The following SEPTIN12 variants were observed in gnomAD, a reference collection of about 807,000 sequenced individuals.
The protein encoded by SEPTIN12 is septin 12.
Under a neutral mutation model 37.7 loss-of-function variants are expected in SEPTIN12, and 42 were observed. The ratio of observed to expected loss-of-function variants is 1.11; its 90% CI spans 0.87 to 1.44. The LOEUF (loss-of-function observed/expected upper bound fraction) is 1.44. Among genes scored for constraint, SEPTIN12 ranks in the 40% most tolerant of loss-of-function variants. The pLI, the probability that SEPTIN12 is intolerant of heterozygous loss-of-function variation, is 0.00. For synonymous variants in SEPTIN12, 254 were observed against 196.7 expected (o/e 1.29, Z -2.44); for missense variants, 613 against 479.2 (o/e 1.28, Z -2.61).
rs1247964300 is a variant in SEPTIN12, at chr16:4,785,838, C to T, written c.343G>A (p.Gly115Ser). The T allele has an allele frequency of 1.1e-5, 18 of 1,607,534 alleles. No homozygotes were observed. Among genetic ancestry groups the T allele is most frequent in the East Asian group, 4.5e-5 (2 of 44,234 alleles). The change falls in exon 4 of 10, where the codon GGC (glycine) becomes AGC (serine). Residue 115 changes from glycine (G) to serine (S), a missense_variant. By Grantham distance (56) the Gly-to-Ser change is moderately conservative. Coordinates refer to ENST00000268231, the MANE Select transcript of SEPTIN12 (RefSeq NM_144605.5). ...TCATTGTTGATCTGGTCCCCGAAGC[C>T]GGGCGTGTCCGTCACCGTCAGCTTC... ...KLKLTVTDTP[G>S]FGDQINNDNC...
chr16:4,789,323 CCTTTTTTT>C (rs939030922), upstream of SEPTIN12, among the ~76,000 whole-genome samples: 7 of 150,890 alleles, frequency 4.6e-5, no homozygotes, highest in Admixed American at 1.3e-4. Context: ...TTTCTTTTTT[CCTTTTTTT>C]CTTTTTTTTT....
chr16:4,787,635 AG>A lies in SEPTIN12; in HGVS notation c.10del (p.Leu4Ter), dbSNP rs768052740. On this transcript the variant is annotated frameshift_variant, in exon 2 of 10. Coordinates refer to ENST00000268231, the MANE Select transcript of SEPTIN12 (RefSeq NM_144605.5). LOFTEE classifies it high-confidence loss of function. Reference protein sequence around the residue: MDPLRRSPSPCLSS... With the variant: MDPXRRSPSPCLSS... ...CAGGCAGGGAGAGGGGGAGCGCCTC[AG>A]GGGGTCCATGGGGGCCAAGGGTTCG... The A allele has an allele frequency of 3.1e-6, 5 of 1,587,732 alleles. 1 individual carries two copies. Among genetic ancestry groups the A allele is most frequent in the South Asian group, 2.2e-5 (2 of 90,342 alleles).
intron 4 of SEPTIN12, chr16:4,784,380 G>A (rs559431435): frequency 7.5e-5 from 26 of 346,276 alleles, no homozygotes; most frequent in Non-Finnish European, 1.2e-4. Flanking sequence ...CCAAGGAATC[G>A]CGCCTGATGG....
upstream of SEPTIN12, among the ~76,000 whole-genome samples, chr16:4,791,516 G>C (rs1167302311): frequency 6.6e-6 from 1 of 152,108 alleles, no homozygotes; most frequent in African/African-American, 2.4e-5. Flanking sequence ...TTACAGATGA[G>C]TATACTGAGG....
rs2082326115 is a variant in SEPTIN12, at chr16:4,777,724, C to T, written c.*73G>A. 2 of 1,074,776 alleles carry T rather than the reference C, an allele frequency of 1.9e-6. No homozygotes were observed. The highest frequency in any genetic ancestry group is 2.6e-6 in the Non-Finnish European group (2 of 758,996). 66.6% of individuals were successfully genotyped at this position (1,074,776 alleles called of 1,614,324 possible). ...AAGCAAGGCTCACATTTAATAGATG[C>T]TCTGGTACATAGGTGTGTGTTGAGA... On this transcript the variant is annotated 3_prime_UTR_variant, in exon 10 of 10. Transcript: ENST00000268231.
At chr16:4,785,068 G>A (rs1414619555) in intron 4 of SEPTIN12, among the ~76,000 whole-genome samples, 3 of 152,008 alleles carry the variant, frequency 2.0e-5, no homozygotes, top group Non-Finnish European at 2.9e-5. Context: ...CCAACGTGGT[G>A]AAACCCCGTC....
intron 2 of SEPTIN12, among the ~76,000 whole-genome samples, chr16:4,786,353 C>CTTT (rs949470758): frequency 2.4e-5 from 3 of 126,224 alleles, no homozygotes; most frequent in Non-Finnish European, 3.3e-5. Flanking sequence ...TTTTGCACTG[C>CTTT]TTTTTTTTTT....
At chr16:4,789,332 CTT>C (rs1157020160), upstream of SEPTIN12, among the ~76,000 whole-genome samples, 1 of 142,882 alleles carries the variant, frequency 7.0e-6, no homozygotes. Flanking sequence ...TCCTTTTTTT[CTT>C]TTTTTTTTTG....
At position 4,784,090 on chromosome 16, in the gene SEPTIN12, C is replaced by T. The variant is rs201144718; in HGVS notation, c.375-22G>A. 3.8e-5 allele frequency: 62 copies of T among 1,613,518 alleles called. No individual in the cohort carries two copies. The African/African-American group carries it at 6.5e-4, about 17-fold the overall frequency. On this transcript the variant is annotated intron_variant, in intron 4 of 9. Transcript: ENST00000268231. ...CCAGCTGAGGCGGGAGGTGGACCCT[C>T]CCCTCAGAACTGTGCTGTGCCCAGA...
intron 7 of SEPTIN12, among the ~76,000 whole-genome samples, chr16:4,782,919 T>C (rs1045085303): frequency 6.0e-5 from 9 of 150,838 alleles, no homozygotes; most frequent in East Asian, 1.9e-4. Flanking sequence ...CATTTTTTTT[T>C]TCTGAGATGG....
chr16:4,778,186 A>C, intron 8 of SEPTIN12, 49 bp from the exon 9 acceptor site: 3 of 1,578,682 alleles, frequency 1.9e-6, no homozygotes, highest in Non-Finnish European at 1.7e-6. Flanking sequence ...AGCACTGAGT[A>C]AGTGCCTACT....
At position 4,787,655 on chromosome 16, in the gene SEPTIN12, G is replaced by C; in HGVS notation, c.-10C>G. ...GCCTCAGGGGGTCCATGGGGGCCAAGGGTTCGAGATGCCTGTCACCAGGTG... is the reference window on the plus strand; with the variant it reads ...GCCTCAGGGGGTCCATGGGGGCCAACGGTTCGAGATGCCTGTCACCAGGTG... On this transcript the variant is annotated 5_prime_UTR_variant, in exon 2 of 10. Coordinates refer to ENST00000268231, the MANE Select transcript of SEPTIN12 (RefSeq NM_144605.5). The C allele has an allele frequency of 6.5e-7, 1 of 1,535,284 alleles. No individual in the cohort carries two copies. The highest frequency in any genetic ancestry group is 8.8e-7 in the Non-Finnish European group (1 of 1,131,302).
chr16:4,790,590 C>T (rs1039018034), upstream of SEPTIN12, among the ~76,000 whole-genome samples: 5 of 152,176 alleles, frequency 3.3e-5, no homozygotes, highest in African/African-American at 1.2e-4. Flanking sequence ...CGGTTTGAGA[C>T]CAGCCTGGCC....
chr16:4,784,345 A>C (rs900450869), intron 4 of SEPTIN12: 3 of 420,138 alleles, frequency 7.1e-6, no homozygotes, highest in Non-Finnish European at 1.3e-5. Flanking sequence ...AACTGTATTA[A>C]AGGGCCACAG....
At chr16:4,791,265 G>C (rs1196342717), upstream of SEPTIN12, among the ~76,000 whole-genome samples, 1 of 152,196 alleles carries the variant, frequency 6.6e-6, no homozygotes, top group Admixed American at 6.5e-5. Context: ...TCATCTGGAA[G>C]GTGCTCCCGG....
intron 4 of SEPTIN12, among the ~76,000 whole-genome samples, chr16:4,784,769 C>A (rs895096187): frequency 7.3e-6 from 1 of 136,318 alleles, no homozygotes; most frequent in Non-Finnish European, 1.6e-5. Context: ...GACACTGTCT[C>A]TAAATAAATA....
chr16:4,779,766 C>A lies in SEPTIN12; in HGVS notation c.747G>T (p.Val249=). ...SKLRDRIPFA[V]VGADQEHLVN... ...CCAGGTGCTCTTGGTCAGCCCCTAC[C>A]ACGGCAAAAGGGATTCGGTCCTGGG... Residue 249 remains valine, a synonymous_variant, in exon 8 of 10, where the codon GTG becomes GTT. Coordinates refer to ENST00000268231, the MANE Select transcript of SEPTIN12 (RefSeq NM_144605.5). 6.2e-6 allele frequency: 10 copies of A among 1,613,020 alleles called. No individual in the cohort carries two copies. The highest frequency in any genetic ancestry group is 8.5e-6 in the Non-Finnish European group (10 of 1,179,070).
chr16:4,777,909 G>T lies in SEPTIN12; in HGVS notation c.965C>A (p.Pro322His). 1 of 1,602,834 alleles carries T rather than the reference G, an allele frequency of 6.2e-7. No individual in the cohort carries two copies. Among genetic ancestry groups the T allele is most frequent in the South Asian group, 1.1e-5 (1 of 89,250 alleles). Reference sequence around the variant, plus strand: ...CAGGTTCACCCAGCCGGGCCCGCGGGGCAGCAGGTGGCTTTCATTGAGTCT... The same window carrying T: ...CAGGTTCACCCAGCCGGGCCCGCGGTGCAGCAGGTGGCTTTCATTGAGTCT... ...VIRLNESHLL[P>H]RGPGWVNLAP... Residue 322 changes from proline (P) to histidine (H), a missense_variant, in exon 10 of 10, where the codon CCC becomes CAC. By Grantham distance (77) the Pro-to-His change is moderately conservative. Coordinates refer to ENST00000268231, the MANE Select transcript of SEPTIN12 (RefSeq NM_144605.5).
intron 8 of SEPTIN12, 54 bp downstream of exon 8, chr16:4,779,636 C>T: frequency 2.7e-6 from 3 of 1,125,332 alleles, no homozygotes; most frequent in South Asian, 2.5e-5. Context: ...CCCAAGGCTG[C>T]TCTGGTTTCC....
Sources: allele counts gnomAD v4.1 joint callset (sites outside exome capture counted in the v4.1 genomes callset), GRCh38; gene constraint gnomAD v4.1.1; transcripts MANE v1.5; gene names NCBI Gene and HGNC (gene_info 2026-07-23, HGNC 2026-07-21).